Variants in TMEM63C observed in about 807,000 individuals in gnomAD.
The protein encoded by TMEM63C is osmosensitive cation channel TMEM63C.
TMEM63C carries 32 observed loss-of-function variants against 99.2 expected under a neutral mutation model. That is an observed-to-expected ratio of 0.32 (90% CI 0.24 to 0.43). The LOEUF (loss-of-function observed/expected upper bound fraction) is 0.43, where lower values mean the gene tolerates loss of function less well. TMEM63C is among the 20% of genes least tolerant of loss of function. The probability of loss-of-function intolerance (pLI) is 1.00; values close to 1 mark genes in which losing one functional copy is unlikely to be tolerated. For missense variants in TMEM63C, 826 were observed against 1,053.0 expected, an observed-to-expected ratio of 0.78 and a Z score of 2.98; for synonymous variants, 376 against 397.9, an observed-to-expected ratio of 0.94 and a Z score of 0.66.
intron 2 of TMEM63C, among the ~76,000 whole-genome samples, chr14:77,218,481 T>C (rs889581646): frequency 6.6e-6 from 1 of 152,214 alleles, no homozygotes; most frequent in Non-Finnish European, 1.5e-5. Flanking sequence ...CAACAAAAAC[T>C]TCCCAAGGTA....
chr14:77,234,077 C>G (rs567218325), intron 8 of TMEM63C, among the ~76,000 whole-genome samples: 1 of 152,350 alleles, frequency 6.6e-6, no homozygotes, highest in African/African-American at 2.4e-5. Context: ...TGGGTTTCAA[C>G]TTCAGCCAAC....
At chr14:77,218,993 A>G (rs766721616) in intron 3 of TMEM63C, 30 bp downstream of exon 3, 1 of 1,512,684 alleles carries the variant, frequency 6.6e-7, no homozygotes, top group African/African-American at 1.4e-5. Flanking sequence ...GGAGGCAGAC[A>G]GTAAAGCCTC....
chr14:77,220,496 G>T (rs938549252), intron 5 of TMEM63C, among the ~76,000 whole-genome samples: 2 of 152,020 alleles, frequency 1.3e-5, no homozygotes, highest in Non-Finnish European at 2.9e-5. Flanking sequence ...TCAGCCTCAG[G>T]CTTCCCAGCC....
At chr14:77,246,827 G>A (rs1157972552) in intron 18 of TMEM63C, among the ~76,000 whole-genome samples, 153 bp downstream of exon 18, 1 of 152,146 alleles carries the variant, frequency 6.6e-6, no homozygotes, top group African/African-American at 2.4e-5. Flanking sequence ...TACCTTTCCT[G>A]TGCTGGGATC....
At chr14:77,240,413 CG>C in intron 12 of TMEM63C, 61 bp from the exon 13 acceptor site, 2 of 1,536,346 alleles carry the variant, frequency 1.3e-6, no homozygotes, top group Non-Finnish European at 8.7e-7. Context: ...GGAGGAACCT[CG>C]TGACCAGGGA....
intron 14 of TMEM63C, 118 bp from the exon 15 acceptor site, chr14:77,242,785 C>A: frequency 3.2e-6 from 4 of 1,239,974 alleles, no homozygotes; most frequent in Admixed American, 1.8e-5. Flanking sequence ...CAAGTCTGGG[C>A]CCAGGAGGCT....
intron 6 of TMEM63C, 79 bp from the exon 7 acceptor site, chr14:77,231,509 C>G: frequency 2.7e-5 from 40 of 1,482,842 alleles, no homozygotes; most frequent in Non-Finnish European, 3.4e-5. Context: ...TCATTTTCTG[C>G]CCTTCCCTCT....
chr14:77,227,197 A>G (rs888558965), intron 6 of TMEM63C, among the ~76,000 whole-genome samples: 8 of 152,184 alleles, frequency 5.3e-5, no homozygotes, highest in African/African-American at 1.9e-4. Context: ...TGGAGAGTGA[A>G]TGGCATTAGA....
At chr14:77,220,510 T>C (rs915870126) in intron 5 of TMEM63C, among the ~76,000 whole-genome samples, 3 of 151,992 alleles carry the variant, frequency 2.0e-5, no homozygotes, top group Non-Finnish European at 4.4e-5. Context: ...CCCAGCCCTG[T>C]TTAGTGGAGC....
chr14:77,224,695 ACCGGACAGGACCCTCAG>A (rs1335230407), intron 5 of TMEM63C, among the ~76,000 whole-genome samples: 2 of 152,132 alleles, frequency 1.3e-5, no homozygotes, highest in Non-Finnish European at 2.9e-5. Context: ...AAAGGCCTCA[ACCGGACAGGACCCTCAG>A]CACATGGCAT....
chr14:77,200,727 C>A (rs1888285347), intron 1 of TMEM63C, among the ~76,000 whole-genome samples: 1 of 152,226 alleles, frequency 6.6e-6, no homozygotes, highest in Admixed American at 6.5e-5. Flanking sequence ...ATCTGCCTCT[C>A]GGCTTTTATG....
At position 77,256,921 on chromosome 14, in the gene TMEM63C, C is replaced by T. The variant is rs185896929; in HGVS notation, c.*195C>T. On this transcript the variant is annotated 3_prime_UTR_variant, in exon 24 of 24. Transcript: ENST00000298351. ...CTGCCCGGCTGGAACTGGGGGTGCTCGGCAGTGCTGAAGGAGCCTGGGAAG... is the reference window on the plus strand; with the variant it reads ...CTGCCCGGCTGGAACTGGGGGTGCTTGGCAGTGCTGAAGGAGCCTGGGAAG... The T allele has an allele frequency of 1.0e-5, 6 of 596,518 alleles. No homozygotes were observed. The highest frequency in any genetic ancestry group is 9.0e-5 in the Admixed American group (3 of 33,362). The allele number at this position is 596,518 out of a possible 1,614,324, so 37.0% of individuals were successfully genotyped here.
At chr14:77,197,680 C>T (rs1888234875) in intron 1 of TMEM63C, among the ~76,000 whole-genome samples, 1 of 152,250 alleles carries the variant, frequency 6.6e-6, no homozygotes, top group Admixed American at 6.5e-5. Flanking sequence ...CTCCCTAAGA[C>T]ACAGTGCAGT....
At chr14:77,203,049 A>G (rs1275805559) in intron 1 of TMEM63C, among the ~76,000 whole-genome samples, 1 of 152,152 alleles carries the variant, frequency 6.6e-6, no homozygotes, top group African/African-American at 2.4e-5. Context: ...GTTTTGTTCA[A>G]AACGGTTAGG....
At position 77,183,615 on chromosome 14, in the gene TMEM63C, C is replaced by T. The variant is rs185603272; in HGVS notation, c.-77+1721C>T. On this transcript the variant is annotated intron_variant, in intron 1 of 23. Coordinates refer to ENST00000298351, the MANE Select transcript of TMEM63C (RefSeq NM_020431.4). ...TATCTCCCTGACAGCATCTCCGGAT[C>T]GGGGGTTTGGGCCAGCACCGGTTTA... Among the ~76,000 whole-genome samples the T allele has an allele frequency of 5.5e-3, 835 of 152,228 alleles. 1 individual carries two copies. The highest frequency in any genetic ancestry group is 0.01 in the Admixed American group (154 of 15,294).
chr14:77,229,664 C>T (rs1426215824), intron 6 of TMEM63C, among the ~76,000 whole-genome samples: 1 of 140,658 alleles, frequency 7.1e-6, no homozygotes, highest in Non-Finnish European at 1.6e-5. Context: ...GTTGCCCAGG[C>T]TGGTCTCGAA....
At chr14:77,203,348 C>T (rs1156543609) in intron 1 of TMEM63C, among the ~76,000 whole-genome samples, 2 of 147,950 alleles carry the variant, frequency 1.4e-5, no homozygotes, top group Non-Finnish European at 3.0e-5. Context: ...TGCCACTTCA[C>T]TCCAGCCTGG....
At position 77,205,155 on chromosome 14, in the gene TMEM63C, G is replaced by A. The variant is rs147174127; in HGVS notation, c.-76-8291G>A. Among the ~76,000 whole-genome samples the A allele has an allele frequency of 5.9e-5, 9 of 152,362 alleles. No individual in the cohort carries two copies. In the East Asian group the frequency reaches 1.7e-3, roughly 29 times the overall value. On this transcript the variant is annotated intron_variant, in intron 1 of 23. Transcript: ENST00000298351. Reference sequence around the variant, plus strand: ...AAGGTGGCATGCTCCAGGAACTGAGGGAACAACCTAGGAGGCTGGAGATGG... The same window carrying A: ...AAGGTGGCATGCTCCAGGAACTGAGAGAACAACCTAGGAGGCTGGAGATGG...
chr14:77,227,872 A>C (rs886707519), intron 6 of TMEM63C, among the ~76,000 whole-genome samples: 1 of 152,188 alleles, frequency 6.6e-6, no homozygotes, highest in Non-Finnish European at 1.5e-5. Context: ...CCAGAGGTGC[A>C]TGGAAGGAGG....
Sources: gnomAD v4.1 joint callset for allele counts (sites outside exome capture counted in the v4.1 genomes callset) on GRCh38, gnomAD v4.1.1 for gene constraint, MANE v1.5 for transcripts, NCBI Gene and HGNC (gene_info 2026-07-23, HGNC 2026-07-21) for gene names.